EPHA6: variants seen among roughly 807,000 people sequenced by gnomAD.
EPHA6 encodes the protein ephrin type-A receptor 6.
A neutral mutation model predicts 112.0 loss-of-function variants in EPHA6; 50 were observed. The ratio of observed to expected loss-of-function variants is 0.45; its 90% CI spans 0.36 to 0.56. The LOEUF is 0.56. Ranked by LOEUF, EPHA6 falls within the 20% of genes least tolerant of loss-of-function variation. EPHA6 has a pLI of 0.00. For missense variants in EPHA6, 1,280 were observed against 1,417.4 expected, an observed-to-expected ratio of 0.90 and a Z score of 1.56; for synonymous variants, 529 against 490.7, an observed-to-expected ratio of 1.08 and a Z score of -1.03.
At chr3:96,858,604 T>C (rs895911580) in intron 1 of EPHA6, among the ~76,000 whole-genome samples, 3 of 152,226 alleles carry the variant, frequency 2.0e-5, no homozygotes, top group Admixed American at 6.6e-5. Flanking sequence ...GATAAATAAA[T>C]AATGCAAAAG....
intron 3 of EPHA6, among the ~76,000 whole-genome samples, chr3:97,207,107 A>G (rs1461175050): frequency 6.6e-6 from 1 of 152,134 alleles, no homozygotes; most frequent in Non-Finnish European, 1.5e-5. Flanking sequence ...TGAATATGGT[A>G]TTTCTTTGAT....
chr3:97,553,590 T>A (rs1444844089), intron 11 of EPHA6, among the ~76,000 whole-genome samples: 1 of 151,912 alleles, frequency 6.6e-6, no homozygotes, highest in Non-Finnish European at 1.5e-5. Context: ...TCAGCTCTCA[T>A]GAGAACGCTT....
intron 6 of EPHA6, among the ~76,000 whole-genome samples, chr3:97,425,820 C>G (rs1384083053): frequency 6.6e-6 from 1 of 152,118 alleles, no homozygotes; most frequent in Non-Finnish European, 1.5e-5. Context: ...TTTCTTCTAC[C>G]AGATACTCTA....
intron 6 of EPHA6, among the ~76,000 whole-genome samples, chr3:97,428,265 A>G (rs745481581): frequency 6.6e-6 from 1 of 152,140 alleles, no homozygotes; most frequent in Non-Finnish European, 1.5e-5. Context: ...TTTTATTTTT[A>G]TAAGTAAGGA....
At chr3:97,074,122 A>T (rs1339116973) in intron 3 of EPHA6, among the ~76,000 whole-genome samples, 1 of 151,838 alleles carries the variant, frequency 6.6e-6, no homozygotes, top group African/African-American at 2.4e-5. Context: ...CGTTGCATTT[A>T]TGGGTGTGCT....
intron 14 of EPHA6, among the ~76,000 whole-genome samples, chr3:97,711,855 A>G (rs747713159): frequency 3.3e-5 from 5 of 152,208 alleles, no homozygotes; most frequent in African/African-American, 9.7e-5. Flanking sequence ...AGTCAAGTTG[A>G]CACATAAAAT....
At chr3:97,065,037 G>A (rs1233481674) in intron 3 of EPHA6, among the ~76,000 whole-genome samples, 2 of 152,068 alleles carry the variant, frequency 1.3e-5, no homozygotes, top group African/African-American at 4.8e-5. Flanking sequence ...AAAATTTGCT[G>A]CCGATAGAAA....
At chr3:96,875,654 A>G (rs891465491) in intron 2 of EPHA6, among the ~76,000 whole-genome samples, 2 of 151,056 alleles carry the variant, frequency 1.3e-5, no homozygotes, top group African/African-American at 4.9e-5. Context: ...TATGGAATTC[A>G]TTTTTCAGTA....
At chr3:96,980,244 G>T (rs998894991) in intron 2 of EPHA6, among the ~76,000 whole-genome samples, 1 of 152,124 alleles carries the variant, frequency 6.6e-6, no homozygotes, top group Non-Finnish European at 1.5e-5. Context: ...TGTAAGGAAG[G>T]GATCCAGTTT....
intron 6 of EPHA6, among the ~76,000 whole-genome samples, chr3:97,430,071 T>G (rs919469018): frequency 6.6e-6 from 1 of 152,154 alleles, no homozygotes; most frequent in African/African-American, 2.4e-5. Flanking sequence ...CTTTTTTAAA[T>G]TAATTTTTAA....
intron 3 of EPHA6, among the ~76,000 whole-genome samples, chr3:97,157,823 G>C (rs1414470555): frequency 6.6e-6 from 1 of 152,124 alleles, no homozygotes; most frequent in African/African-American, 2.4e-5. Context: ...ACCTACATTA[G>C]GGAGGGGTAT....
intron 3 of EPHA6, among the ~76,000 whole-genome samples, chr3:97,120,474 T>C (rs1348449897): frequency 6.6e-6 from 1 of 151,908 alleles, no homozygotes; most frequent in African/African-American, 2.4e-5. Flanking sequence ...AGTTAACCAC[T>C]TCCCTGCTAA....
intron 11 of EPHA6, among the ~76,000 whole-genome samples, chr3:97,553,300 C>T (rs549768516): frequency 1.3e-5 from 2 of 152,200 alleles, no homozygotes; most frequent in Middle Eastern, 6.8e-3. Flanking sequence ...TTCCTGTGTT[C>T]TTGTTGATTG....
chr3:97,056,237 G>A (rs2045847172), intron 3 of EPHA6, among the ~76,000 whole-genome samples: 1 of 152,088 alleles, frequency 6.6e-6, no homozygotes, highest in Admixed American at 6.6e-5. Context: ...ATAATCTACT[G>A]TGTCTGAAAG....
intron 3 of EPHA6, among the ~76,000 whole-genome samples, chr3:97,021,542 T>C (rs1008546084): frequency 6.6e-6 from 1 of 152,256 alleles, no homozygotes; most frequent in Non-Finnish European, 1.5e-5. Context: ...GCCACAAATT[T>C]ATGTTTTCAC....
intron 10 of EPHA6, among the ~76,000 whole-genome samples, chr3:97,515,471 A>C (rs776635442): frequency 1.8e-4 from 27 of 152,200 alleles, no homozygotes; most frequent in Non-Finnish European, 4.0e-4. Flanking sequence ...TTTGATTTCT[A>C]ACAGGATTCT....
At chr3:97,400,836 G>A (rs961103826) in intron 5 of EPHA6, among the ~76,000 whole-genome samples, 3 of 151,578 alleles carry the variant, frequency 2.0e-5, no homozygotes. Context: ...AGAATTTTCT[G>A]TATATAAGAT....
intron 5 of EPHA6, among the ~76,000 whole-genome samples, chr3:97,390,431 A>G (rs114031729): frequency 0.025 from 3,750 of 151,768 alleles, 108 homozygotes; most frequent in African/African-American, 0.078. Flanking sequence ...TATGATATGT[A>G]TATTCCAGAA....
chr3:96,975,921 TG>T (rs1206236343), intron 2 of EPHA6, among the ~76,000 whole-genome samples: 1 of 152,198 alleles, frequency 6.6e-6, no homozygotes, highest in Non-Finnish European at 1.5e-5. Context: ...AGTATTTTAT[TG>T]TAAGTTCTAC....
Sources: allele counts gnomAD v4.1 joint callset (sites outside exome capture counted in the v4.1 genomes callset), GRCh38; gene constraint gnomAD v4.1.1; transcripts MANE v1.5; gene names NCBI Gene and HGNC (gene_info 2026-07-23, HGNC 2026-07-21).